Variants in RBFOX1 observed in about 807,000 individuals in gnomAD.
The protein encoded by RBFOX1 is RNA binding fox-1 homolog 1, also known as RNA binding protein fox-1 homolog 1.
RBFOX1 carries 8 observed loss-of-function variants against 57.7 expected under a neutral mutation model. That is an observed-to-expected ratio of 0.14 (90% CI 0.08 to 0.25). RBFOX1 has a LOEUF of 0.25. Among genes scored for constraint, RBFOX1 ranks in the 10% least tolerant of loss-of-function variants. The pLI, the probability that RBFOX1 is intolerant of heterozygous loss-of-function variation, is 1.00. For missense variants in RBFOX1, 611 were observed against 548.5 expected, an observed-to-expected ratio of 1.11 and a Z score of -1.14; for synonymous variants, 326 against 222.4, an observed-to-expected ratio of 1.47 and a Z score of -4.15.
chr16:5,748,846 A>G (rs865995886), intron 3 of RBFOX1, among the ~76,000 whole-genome samples: 2 of 152,158 alleles, frequency 1.3e-5, no homozygotes. Flanking sequence ...TGTGTCTTTT[A>G]ATTGGAGCAT....
At chr16:5,724,852 GAA>G (rs983276463) in intron 3 of RBFOX1, among the ~76,000 whole-genome samples, 5 of 152,170 alleles carry the variant, frequency 3.3e-5, no homozygotes, top group African/African-American at 1.2e-4. Context: ...CTGGAAAAAT[GAA>G]AGTTACCATG....
At chr16:7,218,628 CTGTG>C (rs60333818) in intron 4 of RBFOX1, among the ~76,000 whole-genome samples, 45,854 of 127,490 alleles carry the variant, frequency 0.36, 8,692 homozygotes, top group East Asian at 0.69. Flanking sequence ...TGGGGGTTTG[CTGTG>C]TGTGTGTGTG....
intron 4 of RBFOX1, among the ~76,000 whole-genome samples, chr16:5,908,132 A>G (rs548945453): frequency 7.5e-6 from 1 of 133,754 alleles, no homozygotes; most frequent in East Asian, 2.2e-4. Context: ...ACATATATAT[A>G]TACACATATA....
chr16:7,517,974 C>A (rs772324742), intron 4 of RBFOX1, among the ~76,000 whole-genome samples, 173 bp from the exon 5 acceptor site: 1 of 152,014 alleles, frequency 6.6e-6, no homozygotes, highest in Non-Finnish European at 1.5e-5. Context: ...GTTACTGTTT[C>A]CTTATAGGGT....
chr16:6,739,770 G>A lies in RBFOX1; in HGVS notation c.-16+85120G>A, dbSNP rs148290603. On this transcript the variant is annotated intron_variant, in intron 3 of 15. Coordinates refer to ENST00000550418, the MANE Select transcript of RBFOX1 (RefSeq NM_018723.4). ...CAGGTGCCTGTAGTCTCGGCTCCTC[G>A]GGAGGCTGAGGCAGGAGAATTGCTT... Among the ~76,000 whole-genome samples the A allele has an allele frequency of 1.5e-4, 23 of 152,082 alleles. No individual in the cohort carries two copies. The East Asian group carries it at 1.9e-3, about 13-fold the overall frequency.
chr16:7,381,117 C>T (rs2097775688), intron 4 of RBFOX1, among the ~76,000 whole-genome samples: 1 of 152,162 alleles, frequency 6.6e-6, no homozygotes, highest in Non-Finnish European at 1.5e-5. Context: ...GTTCTGGCTT[C>T]ACAGCAGAGT....
chr16:6,329,121 G>C (rs969861281), intron 2 of RBFOX1, among the ~76,000 whole-genome samples: 1 of 152,152 alleles, frequency 6.6e-6, no homozygotes, highest in African/African-American at 2.4e-5. Flanking sequence ...AATGGTTTGA[G>C]AGTGATCATG....
chr16:6,487,659 G>GTAA (rs2095515110), intron 2 of RBFOX1, among the ~76,000 whole-genome samples: 1 of 114,278 alleles, frequency 8.8e-6, no homozygotes, highest in Non-Finnish European at 1.7e-5. Flanking sequence ...TTCCAAAGAT[G>GTAA]GCAGTGATAT....
intron 2 of RBFOX1, among the ~76,000 whole-genome samples, chr16:6,531,224 C>G (rs964586188): frequency 3.9e-5 from 6 of 152,328 alleles, no homozygotes; most frequent in African/African-American, 9.6e-5. Flanking sequence ...TCAGGGACAT[C>G]TCTGAGACAG....
rs575095238 is a variant in RBFOX1, at chr16:6,848,446, G to A, written c.-16+193796G>A. ...CAAACACTTCTGTTGACCACACATGGCCAGCAGGCACCCGATTGCCAGCCC... is the reference window on the plus strand; with the variant it reads ...CAAACACTTCTGTTGACCACACATGACCAGCAGGCACCCGATTGCCAGCCC... On this transcript the variant is annotated intron_variant, in intron 3 of 15. Transcript: ENST00000550418. Among the ~76,000 whole-genome samples, 4 of 152,242 alleles carry A rather than the reference G, an allele frequency of 2.6e-5. No individual in the cohort carries two copies. In the East Asian group the frequency reaches 7.7e-4, roughly 29 times the overall value.
At chr16:7,458,775 A>C (rs920857190) in intron 4 of RBFOX1, among the ~76,000 whole-genome samples, 1 of 152,200 alleles carries the variant, frequency 6.6e-6, no homozygotes, top group Non-Finnish European at 1.5e-5. Context: ...CATTAAAATC[A>C]GACCCCCTCT....
chr16:6,342,557 TAGA>T (rs1200109689), intron 2 of RBFOX1, among the ~76,000 whole-genome samples: 4 of 152,032 alleles, frequency 2.6e-5, no homozygotes, highest in Non-Finnish European at 4.4e-5. Flanking sequence ...GCATTGAGGG[TAGA>T]AGAAGTAATG....
intron 4 of RBFOX1, among the ~76,000 whole-genome samples, chr16:5,990,965 ACT>A (rs1304820494): frequency 6.6e-6 from 1 of 152,030 alleles, no homozygotes; most frequent in African/African-American, 2.4e-5. Context: ...CAAGAGCAAG[ACT>A]CTGTCAGAGA....
intron 1 of RBFOX1, among the ~76,000 whole-genome samples, chr16:5,307,318 C>G (rs1357205393): frequency 1.3e-5 from 2 of 152,208 alleles, no homozygotes; most frequent in African/African-American, 2.4e-5. Flanking sequence ...TCTCTTGAAT[C>G]TGCTTCACAC....
At chr16:7,490,018 G>A (rs753485100) in intron 4 of RBFOX1, among the ~76,000 whole-genome samples, 1 of 152,040 alleles carries the variant, frequency 6.6e-6, no homozygotes, top group Non-Finnish European at 1.5e-5. Flanking sequence ...TGGACAGAAA[G>A]GTAGACCTGT....
chr16:7,705,336 A>C (rs1482165106), intron 14 of RBFOX1, among the ~76,000 whole-genome samples: 1 of 151,978 alleles, frequency 6.6e-6, no homozygotes, highest in Non-Finnish European at 1.5e-5. Context: ...GAAGCCCCAT[A>C]TCTACTAAAA....
At chr16:6,810,105 TTTC>T (rs1181021408) in intron 3 of RBFOX1, among the ~76,000 whole-genome samples, 2 of 151,928 alleles carry the variant, frequency 1.3e-5, no homozygotes, top group African/African-American at 4.8e-5. Context: ...GTATCTATCT[TTTC>T]TTGTCAACAT....
intron 12 of RBFOX1, among the ~76,000 whole-genome samples, chr16:7,655,260 C>T (rs551195710): frequency 6.6e-6 from 1 of 152,282 alleles, no homozygotes; most frequent in East Asian, 1.9e-4. Flanking sequence ...GTAAAACCAT[C>T]AGAGAAGGGA....
At chr16:5,314,326 G>A (rs1204702247) in intron 1 of RBFOX1, among the ~76,000 whole-genome samples, 2 of 152,216 alleles carry the variant, frequency 1.3e-5, no homozygotes, top group African/African-American at 2.4e-5. Context: ...GGAGTGTGGA[G>A]AGGGGGAGTG....
Sources: gnomAD v4.1 joint callset for allele counts (sites outside exome capture counted in the v4.1 genomes callset) on GRCh38, gnomAD v4.1.1 for gene constraint, MANE v1.5 for transcripts, NCBI Gene and HGNC (gene_info 2026-07-23, HGNC 2026-07-21) for gene names.